The following DDAH1 variants were observed in gnomAD, a reference collection of about 807,000 sequenced individuals.
DDAH1 encodes the protein dimethylarginine dimethylaminohydrolase 1.
Under a neutral mutation model 28.8 loss-of-function variants are expected in DDAH1, and 19 were observed. The ratio of observed to expected loss-of-function variants is 0.66; its 90% confidence interval spans 0.46 to 0.97. DDAH1 has a LOEUF of 0.97. Ranked by LOEUF, DDAH1 falls within the 50% of genes least tolerant of loss-of-function variation. DDAH1 has a pLI of 0.00. For missense variants in DDAH1, 326 were observed against 375.9 expected (o/e 0.87, Z 1.10); for synonymous variants, 153 against 154.4 (o/e 0.99, Z 0.07).
At chr1:85,378,299 A>G (rs1383982383) in intron 1 of DDAH1, among the ~76,000 whole-genome samples, 1 of 152,234 alleles carries the variant, frequency 6.6e-6, no homozygotes, top group Non-Finnish European at 1.5e-5. Context: ...GTCTTCATTA[A>G]TAAAAATCTC....
intron 2 of DDAH1, chr1:85,493,445 C>T (rs1656474001): frequency 6.6e-6 from 1 of 152,114 alleles, no homozygotes; most frequent in African/African-American, 2.4e-5. Context: ...CTGAAGCCAA[C>T]TATTGAAGTT....
At chr1:85,413,395 T>C (rs1652749018) in intron 1 of DDAH1, among the ~76,000 whole-genome samples, 1 of 152,220 alleles carries the variant, frequency 6.6e-6, no homozygotes. Flanking sequence ...CCTTCAAAAA[T>C]CTAATGCTCT....
intron 1 of DDAH1, among the ~76,000 whole-genome samples, chr1:85,565,826 A>G (rs1225795151): frequency 6.6e-6 from 1 of 152,226 alleles, no homozygotes; most frequent in Non-Finnish European, 1.5e-5. Context: ...CACGCCTGTA[A>G]TCCCAGCACT....
chr1:85,498,918 T>C (rs1273093476), intron 1 of DDAH1, among the ~76,000 whole-genome samples: 5 of 151,410 alleles, frequency 3.3e-5, no homozygotes, highest in Admixed American at 3.3e-4. Context: ...TGAGACCCTG[T>C]CTCAAAAAAA....
At chr1:85,397,185 T>A (rs1651854984) in intron 1 of DDAH1, among the ~76,000 whole-genome samples, 1 of 152,252 alleles carries the variant, frequency 6.6e-6, no homozygotes, top group South Asian at 2.1e-4. Flanking sequence ...AGGTTTTCAA[T>A]GATGGCTATT....
intron 1 of DDAH1, among the ~76,000 whole-genome samples, chr1:85,503,287 C>G (rs1656883806): frequency 6.6e-6 from 1 of 152,094 alleles, no homozygotes; most frequent in Non-Finnish European, 1.5e-5. Flanking sequence ...TCACTGCAAC[C>G]TCCGCCTCCT....
At chr1:85,556,253 C>T (rs1169202102) in intron 1 of DDAH1, among the ~76,000 whole-genome samples, 1 of 152,174 alleles carries the variant, frequency 6.6e-6, no homozygotes, top group African/African-American at 2.4e-5. Flanking sequence ...ACACTCCTGT[C>T]CAACATCCTC....
intron 1 of DDAH1, among the ~76,000 whole-genome samples, chr1:85,557,780 C>T (rs1659017594): frequency 6.6e-6 from 1 of 152,040 alleles, no homozygotes; most frequent in Non-Finnish European, 1.5e-5. Flanking sequence ...GGCATTCTTA[C>T]AGGAAGAGGA....
chr1:85,439,486 C>A (rs557891478), intron 1 of DDAH1, among the ~76,000 whole-genome samples: 1 of 152,236 alleles, frequency 6.6e-6, no homozygotes, highest in African/African-American at 2.4e-5. Context: ...ACATCCCTGG[C>A]TGCTACAGAG....
At chr1:85,349,287 A>G (rs927547451) in intron 4 of DDAH1, among the ~76,000 whole-genome samples, 3 of 152,234 alleles carry the variant, frequency 2.0e-5, no homozygotes, top group Admixed American at 6.5e-5. Context: ...GTTTGGGAAG[A>G]GGTGGAAGAA....
At chr1:85,367,835 T>C (rs1650155141) in intron 1 of DDAH1, among the ~76,000 whole-genome samples, 1 of 152,208 alleles carries the variant, frequency 6.6e-6, no homozygotes, top group Non-Finnish European at 1.5e-5. Context: ...GGAAGCAATT[T>C]GAGCCTTTGA....
At chr1:85,477,173 C>G (rs1472745392) in intron 2 of DDAH1, among the ~76,000 whole-genome samples, 1 of 152,084 alleles carries the variant, frequency 6.6e-6, no homozygotes, top group Non-Finnish European at 1.5e-5. Context: ...AGCAAAGACA[C>G]AAGGTGGGAG....
At chr1:85,521,371 TCAGATCTGGGCTCATCCCA>T (rs1466953759) in intron 1 of DDAH1, among the ~76,000 whole-genome samples, 3 of 151,698 alleles carry the variant, frequency 2.0e-5, no homozygotes, top group Non-Finnish European at 2.9e-5. Context: ...CAGTGTTGTT[TCAGATCTGGGCTCATCCCA>T]TTTTGCCCCA....
upstream of DDAH1, among the ~76,000 whole-genome samples, chr1:85,466,916 C>A (rs1328622583): frequency 7.4e-6 from 1 of 136,052 alleles, no homozygotes; most frequent in East Asian, 2.3e-4. Context: ...CAGCTCACTG[C>A]AACCTCTGCA....
chr1:85,471,517 A>T (rs555054332), intron 2 of DDAH1, among the ~76,000 whole-genome samples: 3 of 152,240 alleles, frequency 2.0e-5, no homozygotes, highest in Non-Finnish European at 4.4e-5. Context: ...AGTGGGAGTT[A>T]TAATACCTTG....
chr1:85,358,962 C>T, intron 1 of DDAH1, 115 bp from the exon 2 acceptor site: 1 of 628,680 alleles, frequency 1.6e-6, no homozygotes, highest in Non-Finnish European at 2.8e-6. Context: ...CACACATCCA[C>T]ACTCATATAC....
chr1:85,542,972 G>A (rs1217483368), intron 1 of DDAH1, among the ~76,000 whole-genome samples: 1 of 152,168 alleles, frequency 6.6e-6, no homozygotes, highest in African/African-American at 2.4e-5. Flanking sequence ...GTTCAGTAAG[G>A]TGAAGTAACT....
At chr1:85,470,331 C>G (rs904227127) in intron 2 of DDAH1, among the ~76,000 whole-genome samples, 1 of 152,142 alleles carries the variant, frequency 6.6e-6, no homozygotes, top group Admixed American at 6.5e-5. Context: ...AAGGGGTTTC[C>G]CCTTATAAAA....
intron 1 of DDAH1, among the ~76,000 whole-genome samples, chr1:85,371,049 A>G (rs955536677): frequency 6.6e-6 from 1 of 152,202 alleles, no homozygotes; most frequent in South Asian, 2.1e-4. Context: ...TAACAATACT[A>G]TTCTAACAAA....
Sources: gnomAD v4.1 joint callset for allele counts (sites outside exome capture counted in the v4.1 genomes callset) on GRCh38, gnomAD v4.1.1 for gene constraint, MANE v1.5 for transcripts, NCBI Gene and HGNC (gene_info 2026-07-23, HGNC 2026-07-21) for gene names.